Variants in PTPRM observed in about 807,000 individuals in gnomAD.
PTPRM encodes receptor-type tyrosine-protein phosphatase mu.
In PTPRM, 47 loss-of-function variants were observed where a neutral mutation model predicts 186.7. The observed-to-expected ratio is 0.25, with a 90% CI of 0.20 to 0.32. The LOEUF (loss-of-function observed/expected upper bound fraction) is 0.32, where lower values mean the gene tolerates loss of function less well. PTPRM is among the 10% of genes least tolerant of loss of function. The pLI, the probability that PTPRM is intolerant of heterozygous loss-of-function variation, is 1.00. For synonymous variants in PTPRM, 668 were observed against 674.9 expected, an observed-to-expected ratio of 0.99 and a Z score of 0.16; for missense variants, 1,494 against 1,865.0, an observed-to-expected ratio of 0.80 and a Z score of 3.66.
chr18:7,587,576 G>C (rs943303439), intron 1 of PTPRM, among the ~76,000 whole-genome samples: 1 of 151,994 alleles, frequency 6.6e-6, no homozygotes, highest in Non-Finnish European at 1.5e-5. Context: ...AGACCAAGAG[G>C]CTTTGCAAAG....
chr18:8,403,793 G>C (rs1476691378), intron 32 of PTPRM: 1 of 152,200 alleles, frequency 6.6e-6, no homozygotes, highest in African/African-American at 2.4e-5. Context: ...TGCATGTGCT[G>C]GGTGTTTTCA....
chr18:7,717,362 A>G (rs1568050450), intron 1 of PTPRM, among the ~76,000 whole-genome samples: 1 of 152,150 alleles, frequency 6.6e-6, no homozygotes, highest in East Asian at 1.9e-4. Flanking sequence ...GTAACTTCGA[A>G]GAAGAATCAG....
In PTPRM at chr18:8,230,864, T is replaced by C. The variant is rs536600682; in HGVS notation, c.2301-13194T>C. ...TGTGACAACCTCTTATTCATTCTGG[T>C]TTATTTAAGTGGATCTTGTAATTTG... On this transcript the variant is annotated intron_variant, in intron 14 of 32. Coordinates refer to ENST00000580170, the MANE Select transcript of PTPRM (RefSeq NM_001105244.2). 3.9e-5 allele frequency among the ~76,000 whole-genome samples: 6 copies of C among 152,340 alleles called. No homozygotes were observed. In the South Asian group the frequency reaches 1.2e-3, roughly 32 times the overall value.
chr18:7,794,979 C>T lies in PTPRM; in HGVS notation c.196+20708C>T, dbSNP rs181608842. ...AGCACCAACCTCAGAGGACTGTTCC[C>T]AGTCTACATCCTGGCTTACAAAAGC... is the stretch of plus-strand genomic sequence containing the variant. On this transcript the variant is annotated intron_variant, in intron 2 of 32. Transcript: ENST00000580170. 2.9e-3 allele frequency among the ~76,000 whole-genome samples: 442 copies of T among 152,264 alleles called. 1 individual carries two copies. The highest frequency in any genetic ancestry group is 6.8e-3 in the Middle Eastern group (2 of 294).
At chr18:8,348,363 G>T (rs2095516831) in intron 23 of PTPRM, among the ~76,000 whole-genome samples, 1 of 152,232 alleles carries the variant, frequency 6.6e-6, no homozygotes, top group Admixed American at 6.5e-5. Flanking sequence ...AGAAGACATA[G>T]ATGCTGCACT....
chr18:8,382,784 A>G (rs992038133), intron 29 of PTPRM, among the ~76,000 whole-genome samples: 1 of 152,138 alleles, frequency 6.6e-6, no homozygotes, highest in Admixed American at 6.5e-5. Context: ...GTATAAATCA[A>G]CCTTAGCAAC....
intron 1 of PTPRM, among the ~76,000 whole-genome samples, chr18:7,612,342 A>G (rs2037696496): frequency 6.6e-6 from 1 of 152,290 alleles, no homozygotes; most frequent in Admixed American, 6.5e-5. Context: ...AGTGATCCTT[A>G]TTCTGCTTGA....
At chr18:7,806,493 GA>G (rs1209226964) in intron 2 of PTPRM, among the ~76,000 whole-genome samples, 7 of 152,228 alleles carry the variant, frequency 4.6e-5, no homozygotes, top group Non-Finnish European at 1.0e-4. Context: ...CTAATTTGGG[GA>G]AAGGGGAGTC....
chr18:7,680,531 G>A (rs1376360251), intron 1 of PTPRM, among the ~76,000 whole-genome samples: 1 of 152,152 alleles, frequency 6.6e-6, no homozygotes, highest in Non-Finnish European at 1.5e-5. Flanking sequence ...TGTTTGTAAG[G>A]GATGACATTT....
chr18:7,859,671 AC>A (rs1266404715), intron 2 of PTPRM, among the ~76,000 whole-genome samples: 1 of 152,192 alleles, frequency 6.6e-6, no homozygotes, highest in Non-Finnish European at 1.5e-5. Flanking sequence ...GGACCAGGGA[AC>A]CAGTCAGAAA....
At chr18:8,210,011 A>AAAAAAAAAAAAAAAAC (rs2093981689) in intron 14 of PTPRM, among the ~76,000 whole-genome samples, 1 of 117,000 alleles carries the variant, frequency 8.5e-6, no homozygotes, top group Non-Finnish European at 1.8e-5. Context: ...AAAAAAAAAA[A>AAAAAAAAAAAAAAAAC]AAAAAAAAGG....
At chr18:8,102,123 A>G (rs546660677) in intron 11 of PTPRM, among the ~76,000 whole-genome samples, 5 of 152,334 alleles carry the variant, frequency 3.3e-5, no homozygotes, top group Non-Finnish European at 5.9e-5. Flanking sequence ...TAATTAAAAA[A>G]TACATTATTG....
chr18:8,047,898 C>T (rs1373999863), intron 7 of PTPRM, among the ~76,000 whole-genome samples: 2 of 152,036 alleles, frequency 1.3e-5, no homozygotes, highest in African/African-American at 4.8e-5. Flanking sequence ...TTGGGGTAGC[C>T]ATTCATAAAT....
intron 1 of PTPRM, among the ~76,000 whole-genome samples, chr18:7,713,393 C>T (rs1336554444): frequency 6.6e-6 from 1 of 152,088 alleles, no homozygotes; most frequent in African/African-American, 2.4e-5. Context: ...AAAGGAAAAA[C>T]CAGCACCAGC....
chr18:7,727,410 A>G (rs1049786103), intron 1 of PTPRM, among the ~76,000 whole-genome samples: 1 of 152,238 alleles, frequency 6.6e-6, no homozygotes, highest in Non-Finnish European at 1.5e-5. Context: ...CTTATAAGGA[A>G]AATATGTCTG....
rs548471736 is a variant in PTPRM, at chr18:7,897,511, T to G, written c.469-8994T>G. ...CATTTTGTGCTTAAAAAAGACAATA[T>G]GTCTCAAGAAGCCACTGGGGACACA... On this transcript the variant is annotated intron_variant, in intron 3 of 32. Coordinates refer to ENST00000580170, the MANE Select transcript of PTPRM (RefSeq NM_001105244.2). Among the ~76,000 whole-genome samples the G allele has an allele frequency of 6.4e-4, 97 of 152,284 alleles. No individual in the cohort carries two copies. The South Asian group carries it at 0.019, about 30-fold the overall frequency.
At chr18:7,906,623 G>A (rs1184367367) in intron 4 of PTPRM, 40 bp downstream of exon 4, 1 of 1,442,768 alleles carries the variant, frequency 6.9e-7, no homozygotes, top group Admixed American at 1.7e-5. Context: ...GTACATCATT[G>A]GGGGCATGTT....
chr18:8,244,297 A>G, intron 15 of PTPRM, 88 bp downstream of exon 15: 1 of 1,265,860 alleles, frequency 7.9e-7, no homozygotes, highest in Non-Finnish European at 1.1e-6. Flanking sequence ...AAAAAAAAAA[A>G]GCTTCCTGAA....
chr18:7,731,694 T>C (rs2040662501), intron 1 of PTPRM, among the ~76,000 whole-genome samples: 2 of 152,156 alleles, frequency 1.3e-5, no homozygotes, highest in South Asian at 4.1e-4. Flanking sequence ...TCATGTCTTA[T>C]CAGTATCTTT....
Sources: gnomAD v4.1 joint callset for allele counts (sites outside exome capture counted in the v4.1 genomes callset) on GRCh38, gnomAD v4.1.1 for gene constraint, MANE v1.5 for transcripts, NCBI Gene and HGNC (gene_info 2026-07-23, HGNC 2026-07-21) for gene names.